The following SENP7 variants were observed in gnomAD, a reference collection of about 807,000 sequenced individuals.
SENP7 encodes sentrin-specific protease 7.
Under a neutral mutation model 141.2 loss-of-function variants are expected in SENP7, and 64 were observed. That is an observed-to-expected ratio of 0.45 (90% CI 0.37 to 0.56). The LOEUF is 0.56. Ranked by LOEUF, SENP7 falls within the 20% of genes least tolerant of loss-of-function variation. The pLI, the probability that SENP7 is intolerant of heterozygous loss-of-function variation, is 0.00. For synonymous variants in SENP7, 382 were observed against 426.4 expected, an observed-to-expected ratio of 0.90 and a Z score of 1.28; for missense variants, 1,025 against 1,212.2, an observed-to-expected ratio of 0.85 and a Z score of 2.29.
rs1250015619 is a variant in SENP7 at position 101,325,365 on chromosome 3, G to A, written c.*578C>T. ...ATAATAAGCTGCACTTTAAAAGAGC[G>A]AATTTTTATCATCTTCCTAACATTA... On this transcript the variant is annotated 3_prime_UTR_variant, in exon 24 of 24. Coordinates refer to ENST00000394095, the MANE Select transcript of SENP7 (RefSeq NM_020654.5). The A allele has an allele frequency of 2.6e-5, 4 of 152,184 alleles. No individual in the cohort carries two copies. The highest frequency in any genetic ancestry group is 5.9e-5 in the Non-Finnish European group (4 of 67,942). The allele number at this position is 152,184 out of a possible 1,614,324, so 9.4% of individuals were successfully genotyped here.
chr3:101,425,207 A>T (rs901044529), intron 4 of SENP7, among the ~76,000 whole-genome samples: 13 of 152,242 alleles, frequency 8.5e-5, no homozygotes, highest in Non-Finnish European at 1.9e-4. Flanking sequence ...GGATACATCC[A>T]GCTGCCACTG....
At chr3:101,473,501 T>C (rs1384447348) in intron 3 of SENP7, among the ~76,000 whole-genome samples, 2 of 152,258 alleles carry the variant, frequency 1.3e-5, no homozygotes, top group Non-Finnish European at 2.9e-5. Flanking sequence ...TTGAGCTTTC[T>C]TTCATATGAT....
chr3:101,465,126 C>A (rs1576436552), intron 3 of SENP7, among the ~76,000 whole-genome samples: 1 of 152,012 alleles, frequency 6.6e-6, no homozygotes, highest in African/African-American at 2.4e-5. Context: ...CTACCAAGAC[C>A]CACACACACC....
At chr3:101,414,247 C>A in intron 5 of SENP7, 1 of 571,922 alleles carries the variant, frequency 1.7e-6, no homozygotes, top group East Asian at 3.3e-5. Context: ...CTGCAGGTGA[C>A]GAGTGGTAGA....
At chr3:101,427,922 C>A (rs2062019709) in intron 4 of SENP7, among the ~76,000 whole-genome samples, 1 of 151,984 alleles carries the variant, frequency 6.6e-6, no homozygotes, top group Non-Finnish European at 1.5e-5. Context: ...GTTCAACTCC[C>A]ACTTATGAGT....
intron 4 of SENP7, among the ~76,000 whole-genome samples, chr3:101,448,047 A>G (rs2062962632): frequency 6.6e-6 from 1 of 152,214 alleles, no homozygotes; most frequent in Admixed American, 6.5e-5. Context: ...TCCAAAGGCA[A>G]AAATATTAAT....
intron 4 of SENP7, among the ~76,000 whole-genome samples, chr3:101,426,069 C>G (rs772245124): frequency 4.6e-5 from 7 of 152,126 alleles, no homozygotes; most frequent in Non-Finnish European, 1.0e-4. Flanking sequence ...AGATGGTAAC[C>G]AACATGGAAA....
intron 3 of SENP7, among the ~76,000 whole-genome samples, chr3:101,468,734 G>A (rs1014184514): frequency 6.6e-6 from 1 of 152,032 alleles, no homozygotes; most frequent in African/African-American, 2.4e-5. Flanking sequence ...GAAACAACCG[G>A]TACCAACCAC....
intron 11 of SENP7, among the ~76,000 whole-genome samples, chr3:101,353,441 T>C (rs2059661825): frequency 6.6e-6 from 1 of 151,968 alleles, no homozygotes; most frequent in Non-Finnish European, 1.5e-5. Flanking sequence ...TATTCATTTA[T>C]CCCTCTGAAT....
intron 4 of SENP7, among the ~76,000 whole-genome samples, chr3:101,452,501 T>A (rs898813798): frequency 9.9e-5 from 15 of 152,190 alleles, no homozygotes; most frequent in African/African-American, 3.6e-4. Context: ...AGCATGGTAC[T>A]GGTACCAAAA....
Position 101,494,555 on chromosome 3 carries a change from C to T in SENP7, c.91-587G>A, listed in dbSNP as rs150821024. Among the ~76,000 whole-genome samples, 75 of 152,192 alleles carry T rather than the reference C, an allele frequency of 4.9e-4. 1 individual carries two copies. In the East Asian group the frequency reaches 0.013, roughly 27 times the overall value. ...TGTCAAAATTACTATTTTATCTATA[C>T]AACCATCATGCCATACCACGCATTC... On this transcript the variant is annotated intron_variant, in intron 2 of 23. Transcript: ENST00000394095.
At chr3:101,417,275 G>GTA (rs1004554360) in intron 5 of SENP7, among the ~76,000 whole-genome samples, 9 of 151,792 alleles carry the variant, frequency 5.9e-5, no homozygotes, top group Admixed American at 4.6e-4. Context: ...ATACACACAC[G>GTA]TATATATATG....
intron 3 of SENP7, among the ~76,000 whole-genome samples, chr3:101,470,704 T>C (rs1269687359): frequency 6.6e-6 from 1 of 152,150 alleles, no homozygotes; most frequent in East Asian, 1.9e-4. Context: ...AATGAGGAAG[T>C]CAAATTGTCC....
intron 3 of SENP7, among the ~76,000 whole-genome samples, chr3:101,477,535 A>G (rs1025603612): frequency 6.6e-6 from 1 of 152,162 alleles, no homozygotes; most frequent in Non-Finnish European, 1.5e-5. Context: ...AAAAAATAGA[A>G]AAGTCAGAAC....
chr3:101,467,138 T>C (rs1245856677), intron 3 of SENP7, among the ~76,000 whole-genome samples: 2 of 152,180 alleles, frequency 1.3e-5, no homozygotes, highest in Non-Finnish European at 2.9e-5. Flanking sequence ...GGGAGGGGCA[T>C]CCGCCATTGC....
intron 3 of SENP7, among the ~76,000 whole-genome samples, chr3:101,463,398 C>CACATAT (rs1474275757): frequency 2.7e-3 from 160 of 58,628 alleles, no homozygotes; most frequent in Middle Eastern, 0.01. Flanking sequence ...TATATATATA[C>CACATAT]ATATATATAT....
At chr3:101,507,350 G>GC (rs1336282878) in intron 1 of SENP7, among the ~76,000 whole-genome samples, 2 of 152,004 alleles carry the variant, frequency 1.3e-5, no homozygotes, top group African/African-American at 2.4e-5. Flanking sequence ...TCAATCCTCT[G>GC]CCTTCCATCA....
rs767257245 is a variant in SENP7, at chr3:101,366,642, G to C, written c.1106C>G (p.Ser369Cys). ...AGTCAACTCCTGACTGTTAAGTGAGGATAGTTTAGTAAAATCACTTTTTGT... is the reference window on the plus strand; with the variant it reads ...AGTCAACTCCTGACTGTTAAGTGAGCATAGTTTAGTAAAATCACTTTTTGT... Reference protein sequence around the residue: ...KPTKSDFTKLSSLNSQELTLS... With the variant: ...KPTKSDFTKLCSLNSQELTLS... Residue 369 changes from serine to cysteine, a missense_variant, in exon 9 of 24, where the codon TCC becomes TGC. Ser to Cys is a moderately radical substitution (Grantham distance 112, BLOSUM62 -1). Coordinates refer to ENST00000394095, the MANE Select transcript of SENP7 (RefSeq NM_020654.5). 1.2e-6 allele frequency: 2 copies of C among 1,613,804 alleles called. No individual in the cohort carries two copies. Among genetic ancestry groups the C allele is most frequent in the Admixed American group, 3.3e-5 (2 of 60,008 alleles).
chr3:101,481,804 T>G (rs2064493587), intron 3 of SENP7, among the ~76,000 whole-genome samples: 1 of 152,108 alleles, frequency 6.6e-6, no homozygotes, highest in Non-Finnish European at 1.5e-5. Flanking sequence ...ATATGCTGAT[T>G]GGGAAATAAA....
Sources: allele counts gnomAD v4.1 joint callset (sites outside exome capture counted in the v4.1 genomes callset), GRCh38; gene constraint gnomAD v4.1.1; transcripts MANE v1.5; gene names NCBI Gene and HGNC (gene_info 2026-07-23, HGNC 2026-07-21).